EFHD1: variants seen among roughly 807,000 people sequenced by gnomAD.
The protein encoded by EFHD1 is EF-hand domain family member D1, also known as EF-hand domain-containing protein D1.
EFHD1 carries 10 observed loss-of-function variants against 17.2 expected under a neutral mutation model. The observed-to-expected ratio is 0.58, with a 90% CI of 0.36 to 0.99. The LOEUF (loss-of-function observed/expected upper bound fraction) is 0.99. Among genes scored for constraint, EFHD1 ranks in the 50% least tolerant of loss-of-function variants. EFHD1 has a pLI of 0.01. For missense variants in EFHD1, 310 were observed against 327.5 expected, an observed-to-expected ratio of 0.95 and a Z score of 0.41; for synonymous variants, 153 against 142.0, an observed-to-expected ratio of 1.08 and a Z score of -0.55.
chr2:232,663,277 C>T (rs1243117920), intron 2 of EFHD1, among the ~76,000 whole-genome samples: 1 of 151,910 alleles, frequency 6.6e-6, no homozygotes, highest in Non-Finnish European at 1.5e-5. Flanking sequence ...TAAAGCTTTT[C>T]ATTTTTTAAC....
At chr2:232,658,438 A>T (rs559485408) in intron 1 of EFHD1, among the ~76,000 whole-genome samples, 1 of 152,324 alleles carries the variant, frequency 6.6e-6, no homozygotes, top group African/African-American at 2.4e-5. Context: ...ACATCAGGTC[A>T]GCTGTGGTTT....
intron 1 of EFHD1, chr2:232,638,047 G>A (rs936593611): frequency 4.8e-6 from 1 of 208,980 alleles, no homozygotes; most frequent in Non-Finnish European, 9.9e-6. Flanking sequence ...GCCAGAGAAA[G>A]TTCCCTCTCC....
At chr2:232,679,553 A>G (rs1208715523) in intron 3 of EFHD1, among the ~76,000 whole-genome samples, 3 of 151,822 alleles carry the variant, frequency 2.0e-5, no homozygotes, top group Non-Finnish European at 4.4e-5. Flanking sequence ...CATCTCTACA[A>G]AAAATTGAAA....
upstream of EFHD1, among the ~76,000 whole-genome samples, chr2:232,629,968 G>C (rs1394533584): frequency 6.6e-6 from 1 of 150,836 alleles, no homozygotes; most frequent in Non-Finnish European, 1.5e-5. Flanking sequence ...TTGTTTGTTT[G>C]TTTGAGACAG....
intron 1 of EFHD1, among the ~76,000 whole-genome samples, chr2:232,612,785 T>TGCAGTG (rs1387327175): frequency 6.7e-6 from 1 of 149,580 alleles, no homozygotes; most frequent in Non-Finnish European, 1.5e-5. Context: ...CAGGCTGGAG[T>TGCAGTG]GCAGTGGCGT....
intron 1 of EFHD1, among the ~76,000 whole-genome samples, chr2:232,658,118 G>T (rs1290018370): frequency 6.6e-6 from 1 of 151,634 alleles, no homozygotes; most frequent in Non-Finnish European, 1.5e-5. Flanking sequence ...GGTCAGGCTG[G>T]TCTCGAACTC....
intron 1 of EFHD1, among the ~76,000 whole-genome samples, chr2:232,647,282 T>A (rs1490379600): frequency 2.6e-5 from 4 of 152,172 alleles, no homozygotes; most frequent in African/African-American, 9.7e-5. Context: ...GGAGAGGAAA[T>A]GTCGAGAGCT....
upstream of EFHD1, among the ~76,000 whole-genome samples, chr2:232,628,728 G>A (rs115869507): frequency 0.012 from 1,829 of 152,230 alleles, 41 homozygotes; most frequent in African/African-American, 0.042. Context: ...TTCAGAGGGC[G>A]GGCAGGCAGA....
At chr2:232,649,689 G>T (rs1483647435) in intron 1 of EFHD1, among the ~76,000 whole-genome samples, 1 of 152,084 alleles carries the variant, frequency 6.6e-6, no homozygotes, top group African/African-American at 2.4e-5. Flanking sequence ...TGGGCCCCTC[G>T]ACCACTCTGC....
intron 1 of EFHD1, among the ~76,000 whole-genome samples, chr2:232,651,808 G>A (rs1213084300): frequency 6.8e-6 from 1 of 146,952 alleles, no homozygotes; most frequent in Non-Finnish European, 1.5e-5. Context: ...GGCAACAGAG[G>A]GAGATTCCAT....
At chr2:232,633,319 G>T, upstream of EFHD1, 1 of 346,046 alleles carries the variant, frequency 2.9e-6, no homozygotes, top group Non-Finnish European at 4.3e-6. Context: ...GCTTTTTCCC[G>T]CTACGGTTTT....
intron 2 of EFHD1, among the ~76,000 whole-genome samples, chr2:232,671,496 C>T (rs546670046): frequency 3.3e-5 from 5 of 151,794 alleles, no homozygotes; most frequent in South Asian, 2.1e-4. Flanking sequence ...GAGGCCGAGG[C>T]GGGCGGATTA....
At chr2:232,620,349 C>T (rs1693998484) in intron 1 of EFHD1, among the ~76,000 whole-genome samples, 1 of 149,080 alleles carries the variant, frequency 6.7e-6, no homozygotes, top group African/African-American at 2.5e-5. Flanking sequence ...GATAGCGCCA[C>T]TGCAGTCCGG....
chr2:232,633,810 C>T lies in EFHD1; in HGVS notation c.106C>T (p.Pro36Ser), dbSNP rs745720160. 1.7e-4 allele frequency: 250 copies of T among 1,471,690 alleles called. No homozygotes were observed. Among genetic ancestry groups the T allele is most frequent in the Non-Finnish European group, 2.2e-4 (242 of 1,120,792 alleles). 91.2% of individuals were successfully genotyped at this position (1,471,690 alleles called of 1,614,324 possible). ...TCCCCTCGGCGCCCCAGCCCCGGAG[C>T]CCAAGCCCGAGCCCGAGCCTCCCGC... Reference protein sequence around the residue: ...LAPLGAPAPEPKPEPEPPARA... With the variant: ...LAPLGAPAPESKPEPEPPARA... Residue 36 changes from proline to serine, a missense_variant, in exon 1 of 4, where the codon CCC becomes TCC. Pro to Ser is a moderately conservative substitution (Grantham distance 74). Coordinates refer to ENST00000264059, the MANE Select transcript of EFHD1 (RefSeq NM_025202.4).
intron 1 of EFHD1, among the ~76,000 whole-genome samples, chr2:232,644,868 C>T (rs1280889789): frequency 6.8e-6 from 1 of 148,082 alleles, no homozygotes; most frequent in African/African-American, 2.5e-5. Flanking sequence ...TCTCAATCTC[C>T]GGACCTCAGG....
At chr2:232,652,611 C>T (rs916491678) in intron 1 of EFHD1, among the ~76,000 whole-genome samples, 1 of 152,030 alleles carries the variant, frequency 6.6e-6, no homozygotes, top group Non-Finnish European at 1.5e-5. Context: ...TAAAGGCAGG[C>T]GGCTGTGATT....
Position 232,644,794 on chromosome 2 carries a change from ATT to A in EFHD1, c.302+10807_302+10808del, listed in dbSNP as rs746133158. Among the ~76,000 whole-genome samples, 141 of 123,814 alleles carry A rather than the reference ATT, an allele frequency of 1.1e-3. 1 individual carries two copies. Among genetic ancestry groups the A allele is most frequent in the African/African-American group, 3.3e-3 (111 of 33,290 alleles). 81.2% of individuals were successfully genotyped at this position (123,814 alleles called of 152,430 possible). ...GGCGAGAGCCACTGCACCTGGCCTA[ATT>A]TTTTTTTTTTTTTTTTTTAATTTTT... On this transcript the variant is annotated intron_variant, in intron 1 of 3. Coordinates refer to ENST00000264059, the MANE Select transcript of EFHD1 (RefSeq NM_025202.4).
chr2:232,629,817 T>C (rs1289906076), upstream of EFHD1, among the ~76,000 whole-genome samples: 1 of 151,834 alleles, frequency 6.6e-6, no homozygotes, highest in East Asian at 1.9e-4. Flanking sequence ...ATCTGGACTC[T>C]TAGCATTTAT....
At chr2:232,659,151 A>G (rs1694814124) in intron 1 of EFHD1, among the ~76,000 whole-genome samples, 1 of 152,040 alleles carries the variant, frequency 6.6e-6, no homozygotes, top group Admixed American at 6.6e-5. Flanking sequence ...ACGGTTCCTC[A>G]AAGCTCACCA....
Sources: allele counts gnomAD v4.1 joint callset (sites outside exome capture counted in the v4.1 genomes callset), GRCh38; gene constraint gnomAD v4.1.1; transcripts MANE v1.5; gene names NCBI Gene and HGNC (gene_info 2026-07-23, HGNC 2026-07-21).